The following GALNT7 variants were observed in gnomAD, a reference collection of about 807,000 sequenced individuals.
The protein encoded by GALNT7 is N-acetylgalactosaminyltransferase 7.
GALNT7 carries 60 observed loss-of-function variants against 82.1 expected under a neutral mutation model. The observed-to-expected ratio is 0.73, with a 90% CI of 0.59 to 0.91. GALNT7 has a LOEUF of 0.91. GALNT7 is among the 40% of genes least tolerant of loss of function. The probability of loss-of-function intolerance (pLI) is 0.00; values close to 1 mark genes in which losing one functional copy is unlikely to be tolerated. For synonymous variants in GALNT7, 243 were observed against 275.1 expected (o/e 0.88, Z 1.15); for missense variants, 660 against 804.2 (o/e 0.82, Z 2.17).
At chr4:173,207,469 C>CT (rs1359740198) in intron 1 of GALNT7, among the ~76,000 whole-genome samples, 1 of 152,128 alleles carries the variant, frequency 6.6e-6, no homozygotes, top group Admixed American at 6.5e-5. Flanking sequence ...AGTGTCCTGA[C>CT]TTTCTCTCGA....
At chr4:173,183,156 T>C (rs1202492318) in intron 1 of GALNT7, among the ~76,000 whole-genome samples, 1 of 152,100 alleles carries the variant, frequency 6.6e-6, no homozygotes, top group Non-Finnish European at 1.5e-5. Context: ...CCTTTAACTC[T>C]TGAGCCAGTG....
At chr4:173,269,346 CT>C (rs1446611310) in intron 2 of GALNT7, among the ~76,000 whole-genome samples, 4 of 152,150 alleles carry the variant, frequency 2.6e-5, no homozygotes, top group African/African-American at 9.7e-5. Flanking sequence ...CTTCCCACCC[CT>C]CCCCACTTTA....
At chr4:173,282,322 C>T (rs1033160861) in intron 2 of GALNT7, 1 of 152,200 alleles carries the variant, frequency 6.6e-6, no homozygotes, top group Non-Finnish European at 1.5e-5. Context: ...AAACTTTTTC[C>T]TGGGAGCTTG....
intron 2 of GALNT7, among the ~76,000 whole-genome samples, chr4:173,284,164 A>G (rs1285020480): frequency 1.3e-5 from 2 of 152,212 alleles, no homozygotes; most frequent in Non-Finnish European, 2.9e-5. Flanking sequence ...TCAGCTTTTC[A>G]TGAGTCCTTT....
At chr4:173,186,171 A>G (rs927302747) in intron 1 of GALNT7, among the ~76,000 whole-genome samples, 1 of 152,264 alleles carries the variant, frequency 6.6e-6, no homozygotes, top group African/African-American at 2.4e-5. Flanking sequence ...GTTGATAACC[A>G]TGAACATTAA....
intron 1 of GALNT7, among the ~76,000 whole-genome samples, chr4:173,245,997 G>T (rs1410915712): frequency 6.6e-6 from 1 of 152,146 alleles, no homozygotes; most frequent in Non-Finnish European, 1.5e-5. Context: ...CTGAAGAAAG[G>T]CATCACATTT....
intron 5 of GALNT7, 123 bp downstream of exon 5, chr4:173,295,966 C>T: frequency 1.5e-6 from 1 of 686,560 alleles, no homozygotes; most frequent in Non-Finnish European, 2.7e-6. Flanking sequence ...TTAGTGTTAT[C>T]CCTCATCTAT....
At chr4:173,252,336 C>T (rs1299030478) in intron 2 of GALNT7, among the ~76,000 whole-genome samples, 1 of 152,160 alleles carries the variant, frequency 6.6e-6, no homozygotes. Context: ...CAGCCTTGTT[C>T]TCCTGCCTCT....
At chr4:173,263,332 A>T (rs1054880487) in intron 2 of GALNT7, among the ~76,000 whole-genome samples, 2 of 152,222 alleles carry the variant, frequency 1.3e-5, no homozygotes, top group South Asian at 2.1e-4. Context: ...TTAATCTCTT[A>T]TACTTGATTT....
chr4:173,300,937 C>G (rs59268445), intron 6 of GALNT7, among the ~76,000 whole-genome samples: 1,538 of 152,048 alleles, frequency 0.01, 26 homozygotes, highest in African/African-American at 0.035. Flanking sequence ...AGTTCTAGAC[C>G]AGTCTGAGCA....
At chr4:173,282,719 GA>G (rs1736157627) in intron 2 of GALNT7, among the ~76,000 whole-genome samples, 1 of 152,032 alleles carries the variant, frequency 6.6e-6, no homozygotes, top group Non-Finnish European at 1.5e-5. Flanking sequence ...GCCTCTAGAT[GA>G]AAAAAACAAT....
At chr4:173,234,435 A>T (rs1052162325) in intron 1 of GALNT7, among the ~76,000 whole-genome samples, 6 of 152,290 alleles carry the variant, frequency 3.9e-5, no homozygotes, top group African/African-American at 1.2e-4. Flanking sequence ...GCATATCTAA[A>T]AGGGAACTCA....
chr4:173,209,372 G>C (rs1405846112), intron 1 of GALNT7, among the ~76,000 whole-genome samples: 2 of 152,236 alleles, frequency 1.3e-5, no homozygotes, highest in Non-Finnish European at 2.9e-5. Context: ...GGCAGAAAGA[G>C]TAAAACTTCT....
intron 1 of GALNT7, among the ~76,000 whole-genome samples, chr4:173,192,959 G>T (rs749313158): frequency 3.9e-5 from 6 of 152,138 alleles, no homozygotes; most frequent in Non-Finnish European, 7.3e-5. Context: ...TGGTTGGTAG[G>T]CATAGTACCA....
intron 2 of GALNT7, among the ~76,000 whole-genome samples, chr4:173,255,467 G>A (rs759876440): frequency 6.6e-5 from 10 of 152,058 alleles, no homozygotes; most frequent in Non-Finnish European, 1.0e-4. Context: ...TGCATTTATT[G>A]TATTTTCACA....
At chr4:173,183,452 A>G (rs1369208390) in intron 1 of GALNT7, among the ~76,000 whole-genome samples, 2 of 151,994 alleles carry the variant, frequency 1.3e-5, no homozygotes, top group Non-Finnish European at 2.9e-5. Context: ...AAGGACTGCA[A>G]ATTTTCCTGG....
chr4:173,203,088 CA>C (rs1732992200), intron 1 of GALNT7, among the ~76,000 whole-genome samples: 3 of 151,134 alleles, frequency 2.0e-5, no homozygotes, highest in Non-Finnish European at 4.4e-5. Flanking sequence ...TTATGGACAG[CA>C]ATAGTTAGGT....
intron 1 of GALNT7, among the ~76,000 whole-genome samples, chr4:173,230,543 A>G (rs917459771): frequency 1.3e-5 from 2 of 152,196 alleles, no homozygotes; most frequent in Admixed American, 6.5e-5. Flanking sequence ...TAATGTTTTA[A>G]TATGAGTATA....
rs148207865 is a variant in GALNT7 at position 173,249,509 on chromosome 4, A to G, written c.587+1069A>G. ...GTGCAGCAGTGTGATGGTGAGTGATACAACCTCTTATACAGAGAACAGTCA... is the reference window on the plus strand; with the variant it reads ...GTGCAGCAGTGTGATGGTGAGTGATGCAACCTCTTATACAGAGAACAGTCA... On this transcript the variant is annotated intron_variant, in intron 2 of 11. Coordinates refer to ENST00000265000, the MANE Select transcript of GALNT7 (RefSeq NM_017423.3). 4.7e-4 allele frequency among the ~76,000 whole-genome samples: 72 copies of G among 152,348 alleles called. No individual in the cohort carries two copies. In the East Asian group the frequency reaches 0.011, roughly 24 times the overall value.
Sources: gnomAD v4.1 joint callset for allele counts (sites outside exome capture counted in the v4.1 genomes callset) on GRCh38, gnomAD v4.1.1 for gene constraint, MANE v1.5 for transcripts, NCBI Gene and HGNC (gene_info 2026-07-23, HGNC 2026-07-21) for gene names.